The following TENM4 variants were observed in gnomAD, a reference collection of about 807,000 sequenced individuals.
The protein encoded by TENM4 is teneurin-4.
Under a neutral mutation model 243.3 loss-of-function variants are expected in TENM4, and 82 were observed. The ratio of observed to expected loss-of-function variants is 0.34; its 90% CI spans 0.28 to 0.40. The LOEUF (loss-of-function observed/expected upper bound fraction) is 0.40, where lower values mean the gene tolerates loss of function less well. Among genes scored for constraint, TENM4 ranks in the 10% least tolerant of loss-of-function variants. The pLI is 1.00. For synonymous variants in TENM4, 1,412 were observed against 1,456.3 expected, an observed-to-expected ratio of 0.97 and a Z score of 0.69; for missense variants, 3,138 against 3,673.3, an observed-to-expected ratio of 0.85 and a Z score of 3.77.
At chr11:78,686,953 T>C (rs1263521363) in intron 29 of TENM4, among the ~76,000 whole-genome samples, 2 of 152,206 alleles carry the variant, frequency 1.3e-5, no homozygotes, top group Non-Finnish European at 2.9e-5. Flanking sequence ...AACTGCTTGC[T>C]AATTAATTAA....
chr11:78,772,273 G>A (rs1474204863), intron 17 of TENM4, among the ~76,000 whole-genome samples: 1 of 152,102 alleles, frequency 6.6e-6, no homozygotes, highest in Non-Finnish European at 1.5e-5. Flanking sequence ...CTACGTTTGA[G>A]AATATGTTAA....
intron 16 of TENM4, among the ~76,000 whole-genome samples, chr11:78,781,484 C>T (rs980126697): frequency 6.6e-6 from 1 of 152,172 alleles, no homozygotes; most frequent in Non-Finnish European, 1.5e-5. Context: ...TGAGGTTGGT[C>T]TGCACGGTCT....
chr11:78,981,637 C>T (rs916785596), intron 6 of TENM4, among the ~76,000 whole-genome samples: 7 of 152,214 alleles, frequency 4.6e-5, no homozygotes, highest in Admixed American at 4.6e-4. Flanking sequence ...CAGTGGAAGC[C>T]AAGAAGCTGA....
At chr11:79,430,115 C>G (rs1859134568) in intron 1 of TENM4, among the ~76,000 whole-genome samples, 1 of 147,760 alleles carries the variant, frequency 6.8e-6, no homozygotes, top group African/African-American at 2.5e-5. Flanking sequence ...TGGAATGTGG[C>G]TTGGCTGCTG....
intron 32 of TENM4, among the ~76,000 whole-genome samples, chr11:78,662,000 C>T (rs1030349138): frequency 2.6e-5 from 4 of 152,066 alleles, no homozygotes; most frequent in Admixed American, 6.6e-5. Flanking sequence ...GATTGACTTG[C>T]AAAGAGACAA....
At chr11:79,426,838 G>T (rs1458570903) in intron 1 of TENM4, among the ~76,000 whole-genome samples, 1 of 152,182 alleles carries the variant, frequency 6.6e-6, no homozygotes, top group African/African-American at 2.4e-5. Context: ...AAATAGCAAG[G>T]AGGCAGTTGG....
In TENM4 at chr11:79,164,515, A is replaced by AG. The variant is rs1862861239; in HGVS notation, c.-162-15710_-162-15709insC. Among the ~76,000 whole-genome samples the AG allele has an allele frequency of 3.5e-5, 5 of 140,968 alleles. No homozygotes were observed. The East Asian group carries it at 6.4e-4, about 18-fold the overall frequency. The allele number at this position is 140,968 out of a possible 152,430, so 92.5% of individuals were successfully genotyped here. ...TATAGTGTATATATATACACTATAC[A>AG]TACTATATATATACTATATAGTACT... On this transcript the variant is annotated intron_variant, in intron 3 of 33. Coordinates refer to ENST00000278550, the MANE Select transcript of TENM4 (RefSeq NM_001098816.3).
intron 1 of TENM4, among the ~76,000 whole-genome samples, chr11:79,327,885 C>T (rs1856999939): frequency 6.6e-6 from 1 of 152,054 alleles, no homozygotes; most frequent in African/African-American, 2.4e-5. Flanking sequence ...AAGCCCTGAC[C>T]ATGAACTATG....
At chr11:79,209,023 C>T (rs931993818) in intron 3 of TENM4, among the ~76,000 whole-genome samples, 6 of 152,094 alleles carry the variant, frequency 3.9e-5, no homozygotes, top group African/African-American at 1.2e-4. Context: ...GGTGTGCAGC[C>T]GCAGGTGCAA....
At chr11:79,212,750 C>A (rs1421865215) in intron 3 of TENM4, among the ~76,000 whole-genome samples, 1 of 152,272 alleles carries the variant, frequency 6.6e-6, no homozygotes, top group African/African-American at 2.4e-5. Context: ...TCTCCCTCCT[C>A]CACAGTGTTT....
In TENM4 at chr11:79,248,935, AAAGAGG is replaced by A. The variant is rs1855564844; in HGVS notation, c.-264-33032_-264-33027del. ...GTTACCAGGTTTCTAGAAGGCCAGG[AAAGAGG>A]AAGAGGAAGAGAGGAAGAAGAATAT... On this transcript the variant is annotated intron_variant, in intron 2 of 33. Coordinates refer to ENST00000278550, the MANE Select transcript of TENM4 (RefSeq NM_001098816.3). Among the ~76,000 whole-genome samples, 4 of 152,176 alleles carry A rather than the reference AAAGAGG, an allele frequency of 2.6e-5. No homozygotes were observed. In the East Asian group the frequency reaches 7.7e-4, roughly 29 times the overall value.
In TENM4 at chr11:78,805,277, T is replaced by TGCCCCCCCACCCCCCC; in HGVS notation, c.2179+14_2179+15insGGGGGGGTGGGGGGGC. 1 of 1,402,550 alleles carries TGCCCCCCCACCCCCCC rather than the reference T, an allele frequency of 7.1e-7. No individual in the cohort carries two copies. The highest frequency in any genetic ancestry group is 9.7e-7 in the Non-Finnish European group (1 of 1,033,116). 86.9% of individuals were successfully genotyped at this position (1,402,550 alleles called of 1,614,324 possible). ...CCCCTCCCTCTACCCATGCTTCTTC[T>TGCCCCCCCACCCCCCC]CCCCCTGCATTTACCGATAGAACAG... On this transcript the variant is annotated intron_variant, in intron 15 of 33. Transcript: ENST00000278550.
intron 6 of TENM4, among the ~76,000 whole-genome samples, chr11:78,938,503 G>A (rs975592285): frequency 5.3e-5 from 8 of 152,138 alleles, no homozygotes; most frequent in African/African-American, 1.9e-4. Flanking sequence ...GCTCCGTGGT[G>A]CCCAGATTTG....
intron 9 of TENM4, among the ~76,000 whole-genome samples, chr11:78,880,646 A>T (rs772657489): frequency 7.2e-5 from 11 of 152,146 alleles, no homozygotes; most frequent in Non-Finnish European, 1.5e-4. Context: ...AGAAACTATG[A>T]GCCATGATAT....
At chr11:79,330,179 G>A (rs780769953) in intron 1 of TENM4, among the ~76,000 whole-genome samples, 1 of 152,186 alleles carries the variant, frequency 6.6e-6, no homozygotes, top group Admixed American at 6.5e-5. Context: ...TGGGAAGAAT[G>A]GTATACAAGC....
chr11:78,946,671 T>C (rs988688118), intron 6 of TENM4, among the ~76,000 whole-genome samples: 11 of 152,214 alleles, frequency 7.2e-5, no homozygotes, highest in African/African-American at 1.4e-4. Context: ...GATTTACCAA[T>C]CTAAATACCA....
intron 1 of TENM4, among the ~76,000 whole-genome samples, chr11:79,298,428 T>C (rs1001149230): frequency 9.9e-5 from 14 of 141,862 alleles, no homozygotes; most frequent in Non-Finnish European, 1.3e-4. Context: ...GGCAGGAGAA[T>C]GGCGTGAACC....
chr11:78,903,369 C>A lies in TENM4; in HGVS notation c.648G>T (p.Thr216=), dbSNP rs370715239. 1.3e-5 allele frequency: 19 copies of A among 1,513,104 alleles called. No homozygotes were observed. Among genetic ancestry groups the A allele is most frequent in the Admixed American group, 2.3e-5 (1 of 43,764 alleles). 93.7% of individuals were successfully genotyped at this position (1,513,104 alleles called of 1,614,324 possible). The change falls in exon 7 of 34, where the codon ACG becomes ACT. Residue 216 remains threonine, a synonymous_variant. Transcript: ENST00000278550. ...TPRSNPSPAP[T]DHSLSGEPPA... is the part of the protein sequence containing the mutation. The stretch of plus-strand genomic sequence containing the variant: ...GGGGCTCTCCGGAGAGCGAGTGGTC[C>A]GTGGGGGCCGGGCTGGGGTTGCTCC...
intron 1 of TENM4, among the ~76,000 whole-genome samples, chr11:79,326,820 C>A (rs1856982513): frequency 6.6e-6 from 1 of 152,200 alleles, no homozygotes; most frequent in African/African-American, 2.4e-5. Context: ...TGGGAAGGAA[C>A]CAGGTCTATT....
Sources: gnomAD v4.1 joint callset for allele counts (sites outside exome capture counted in the v4.1 genomes callset) on GRCh38, gnomAD v4.1.1 for gene constraint, MANE v1.5 for transcripts, NCBI Gene and HGNC (gene_info 2026-07-23, HGNC 2026-07-21) for gene names.